DPP6: variants seen among roughly 807,000 people sequenced by gnomAD.
DPP6 encodes A-type potassium channel modulatory protein DPP6.
DPP6 carries 69 observed loss-of-function variants against 122.6 expected under a neutral mutation model. That is an observed-to-expected ratio of 0.56 (90% CI 0.46 to 0.69). The LOEUF (loss-of-function observed/expected upper bound fraction) is 0.69. Ranked by LOEUF, DPP6 falls within the 30% of genes least tolerant of loss-of-function variation. DPP6 has a pLI of 0.00. For missense variants in DPP6, 928 were observed against 1,116.9 expected (o/e 0.83, Z 2.41); for synonymous variants, 418 against 433.1 (o/e 0.97, Z 0.43).
intron 1 of DPP6, among the ~76,000 whole-genome samples, chr7:154,033,256 A>G (rs966550773): frequency 1.3e-5 from 2 of 152,230 alleles, no homozygotes; most frequent in Non-Finnish European, 1.5e-5. Context: ...ACATAAATAT[A>G]TACATACTTG....
chr7:154,159,081 T>A (rs1438501964), intron 1 of DPP6, among the ~76,000 whole-genome samples: 1 of 152,122 alleles, frequency 6.6e-6, no homozygotes, highest in Non-Finnish European at 1.5e-5. Context: ...CCCAGGTGCC[T>A]GGGCTGAGGG....
intron 1 of DPP6, among the ~76,000 whole-genome samples, chr7:154,042,009 G>A (rs1374989407): frequency 6.6e-6 from 1 of 152,028 alleles, no homozygotes; most frequent in East Asian, 1.9e-4. Context: ...CGCCCACCTC[G>A]GCCTCCCAAA....
the DPP6 span, among the ~76,000 whole-genome samples, chr7:153,802,903 C>T: frequency 2.0e-5 from 3 of 152,158 alleles, no homozygotes; most frequent in Non-Finnish European, 2.9e-5. Context: ...GAAACACCCT[C>T]GCCCCAATCA....
chr7:153,863,519 C>T, the DPP6 span, among the ~76,000 whole-genome samples: 1 of 152,094 alleles, frequency 6.6e-6, no homozygotes, highest in Non-Finnish European at 1.5e-5. Context: ...AAATTTCACT[C>T]ATTCAAAATG....
intron 7 of DPP6, among the ~76,000 whole-genome samples, chr7:154,709,047 C>CT (rs1554442279): frequency 6.7e-6 from 1 of 149,756 alleles, no homozygotes; most frequent in Non-Finnish European, 1.5e-5. Flanking sequence ...GACTCTGTCT[C>CT]AAAAAATAAA....
chr7:154,463,108 A>G (rs886775000), intron 2 of DPP6, among the ~76,000 whole-genome samples: 1 of 151,640 alleles, frequency 6.6e-6, no homozygotes, highest in Non-Finnish European at 1.5e-5. Flanking sequence ...GGGGACCCCA[A>G]GAGCCCACTT....
intron 6 of DPP6, among the ~76,000 whole-genome samples, chr7:154,647,791 C>T (rs578166243): frequency 2.6e-5 from 4 of 152,262 alleles, no homozygotes; most frequent in South Asian, 2.1e-4. Flanking sequence ...TGAATCAGCA[C>T]GCGTGTTGAA....
Position 154,755,163 on chromosome 7 carries a change from AAG to A in DPP6, c.884-14252_884-14251del, listed in dbSNP as rs1491315423. Among the ~76,000 whole-genome samples, 3 of 151,842 alleles carry A rather than the reference AAG, an allele frequency of 2.0e-5. No homozygotes were observed. The highest frequency in any genetic ancestry group is 7.2e-5 in the African/African-American group (3 of 41,388). Reference sequence around the variant, plus strand: ...TAAAATAAATTAAAAAAAAAAAAAAAAGAAACTGAACACATGTCAGGAGCTGA... The same window carrying A: ...TAAAATAAATTAAAAAAAAAAAAAAAAAACTGAACACATGTCAGGAGCTGA... On this transcript the variant is annotated intron_variant, in intron 8 of 25. Coordinates refer to ENST00000377770, the MANE Select transcript of DPP6 (RefSeq NM_130797.4). The surrounding 1 kb of genome is among the most constrained non-coding windows in gnomAD (Gnocchi z 4.7).
intron 18 of DPP6, among the ~76,000 whole-genome samples, chr7:154,868,359 C>T (rs549755693): frequency 1.5e-4 from 23 of 152,328 alleles, no homozygotes; most frequent in Admixed American, 3.9e-4. Context: ...CAGACTCCAA[C>T]GCTCTCCTTC....
intron 6 of DPP6, among the ~76,000 whole-genome samples, chr7:154,644,093 G>A (rs752547063): frequency 4.6e-5 from 7 of 152,182 alleles, no homozygotes; most frequent in Admixed American, 6.5e-5. Context: ...AATACTCAGT[G>A]TTTAAAACCC....
chr7:154,566,763 C>A, intron 4 of DPP6, 79 bp from the exon 5 acceptor site: 1 of 768,202 alleles, frequency 1.3e-6, no homozygotes, highest in South Asian at 1.8e-5. Context: ...AAAATGGCAC[C>A]AGCAGATACA....
At chr7:154,276,574 T>G (rs1455912466) in intron 1 of DPP6, among the ~76,000 whole-genome samples, 2 of 152,216 alleles carry the variant, frequency 1.3e-5, no homozygotes, top group Non-Finnish European at 2.9e-5. Context: ...TTCTGACCTC[T>G]AGGGTAGAGA....
At chr7:154,289,194 G>T (rs897610503) in intron 1 of DPP6, among the ~76,000 whole-genome samples, 5 of 152,192 alleles carry the variant, frequency 3.3e-5, no homozygotes, top group Admixed American at 3.3e-4. Context: ...AATCGCCTAG[G>T]TTGAAAATAA....
intron 5 of DPP6, among the ~76,000 whole-genome samples, chr7:154,602,736 C>T (rs1833452171): frequency 1.2e-5 from 1 of 84,466 alleles, no homozygotes; most frequent in African/African-American, 3.1e-5. Flanking sequence ...TGGCCTATTT[C>T]TTAATTCTTA....
At chr7:154,514,092 G>A (rs528143083) in intron 3 of DPP6, among the ~76,000 whole-genome samples, 1 of 152,058 alleles carries the variant, frequency 6.6e-6, no homozygotes, top group African/African-American at 2.4e-5. Context: ...TGATCAACAT[G>A]GTGAAACCCT....
chr7:154,825,673 A>G (rs1340402974), intron 16 of DPP6, among the ~76,000 whole-genome samples: 1 of 152,216 alleles, frequency 6.6e-6, no homozygotes, highest in African/African-American at 2.4e-5. Flanking sequence ...GAGTGGGGTC[A>G]GGACTGCTTC....
the DPP6 span, among the ~76,000 whole-genome samples, chr7:153,797,782 C>T: frequency 6.6e-6 from 1 of 152,164 alleles, no homozygotes; most frequent in South Asian, 2.1e-4. Flanking sequence ...AGGCGGCCAC[C>T]TCATGTGTAT....
chr7:154,606,952 A>T (rs1158521502), intron 5 of DPP6, among the ~76,000 whole-genome samples: 1 of 121,388 alleles, frequency 8.2e-6, no homozygotes, highest in Non-Finnish European at 1.9e-5. Flanking sequence ...TTCAACCACA[A>T]CTGCGTAAGA....
rs150068108 is a variant in DPP6 at position 154,636,198 on chromosome 7, A to G, written c.628-1623A>G. Among the ~76,000 whole-genome samples, 297 of 152,320 alleles carry G rather than the reference A, an allele frequency of 1.9e-3. 8 individuals are homozygous for G. The highest frequency in any genetic ancestry group is 0.018 in the East Asian group (92 of 5,172). ...TGGAGGGAGAGTTCAGAAACTCTAT[A>G]TAATATACCATATACCATAACCATG... On this transcript the variant is annotated intron_variant, in intron 5 of 25. Coordinates refer to ENST00000377770, the MANE Select transcript of DPP6 (RefSeq NM_130797.4).
Sources: allele counts gnomAD v4.1 joint callset (sites outside exome capture counted in the v4.1 genomes callset), GRCh38; gene constraint gnomAD v4.1.1; non-coding constraint Gnocchi (gnomAD v3.1); transcripts MANE v1.5; gene names NCBI Gene and HGNC (gene_info 2026-07-23, HGNC 2026-07-21).